The following AKAP19 variants were observed in gnomAD, a reference collection of about 807,000 sequenced individuals.
AKAP19 encodes small A-kinase anchoring protein.
the AKAP19 span, among the ~76,000 whole-genome samples, chr2:190,158,862 T>A: frequency 6.6e-6 from 1 of 152,168 alleles, no homozygotes; most frequent in Non-Finnish European, 1.5e-5. Flanking sequence ...GGCAGGAGAA[T>A]TTCTGTTGCT....
the AKAP19 span, among the ~76,000 whole-genome samples, chr2:190,178,692 A>G: frequency 6.6e-5 from 10 of 152,224 alleles, no homozygotes; most frequent in Non-Finnish European, 1.2e-4. This position sits in a 1 kb window ranked among gnomAD's most constrained non-coding sequence, Gnocchi z 6.3. Context: ...GGCCCGCTTC[A>G]TCTGTAGACC....
the AKAP19 span, among the ~76,000 whole-genome samples, chr2:189,943,902 A>T: frequency 6.6e-6 from 1 of 152,192 alleles, no homozygotes. Context: ...TAGAATGGGA[A>T]TGTTTACTCA....
the AKAP19 span, among the ~76,000 whole-genome samples, chr2:190,134,786 G>A: frequency 6.6e-6 from 1 of 152,030 alleles, no homozygotes; most frequent in African/African-American, 2.4e-5. Context: ...TCCCAAGGGT[G>A]CATCTTACTG....
At chr2:189,998,779 T>C in the AKAP19 span, among the ~76,000 whole-genome samples, 2 of 142,276 alleles carry the variant, frequency 1.4e-5, no homozygotes, top group South Asian at 2.3e-4. Flanking sequence ...TTCTTTTTTT[T>C]TTTTTTTTTT....
At chr2:190,180,525 G>A in the AKAP19 span, 9 of 985,596 alleles carry the variant, frequency 9.1e-6, no homozygotes, top group Non-Finnish European at 1.1e-5. This position sits in a 1 kb window ranked among gnomAD's most constrained non-coding sequence, Gnocchi z 6.8. Context: ...TGCTTTCATT[G>A]ACCTTTGCGG....
chr2:190,107,794 G>T, the AKAP19 span, among the ~76,000 whole-genome samples: 1 of 152,128 alleles, frequency 6.6e-6, no homozygotes, highest in African/African-American at 2.4e-5. Context: ...AGAACAGATC[G>T]AATAATATAA....
At chr2:189,941,759 G>C in the AKAP19 span, among the ~76,000 whole-genome samples, 5 of 152,156 alleles carry the variant, frequency 3.3e-5, no homozygotes, top group African/African-American at 1.2e-4. Context: ...GAAAAGAAGA[G>C]AGGAGTTACA....
the AKAP19 span, among the ~76,000 whole-genome samples, chr2:189,898,565 G>A: frequency 0.02 from 3,084 of 152,056 alleles, 118 homozygotes; most frequent in African/African-American, 0.07. Context: ...GTGTATATAT[G>A]CTTTTAGTTC....
the AKAP19 span, among the ~76,000 whole-genome samples, chr2:189,919,583 T>C: frequency 6.6e-6 from 1 of 152,098 alleles, no homozygotes; most frequent in Non-Finnish European, 1.5e-5. Flanking sequence ...GATGTTCTCC[T>C]TTCTGTGTCC....
At chr2:189,999,583 G>A in the AKAP19 span, among the ~76,000 whole-genome samples, 2 of 152,108 alleles carry the variant, frequency 1.3e-5, no homozygotes, top group Non-Finnish European at 2.9e-5. Flanking sequence ...GCTTTCTTTA[G>A]ACTTTTTTTG....
At chr2:190,003,832 A>G in the AKAP19 span, among the ~76,000 whole-genome samples, 1 of 151,944 alleles carries the variant, frequency 6.6e-6, no homozygotes, top group African/African-American at 2.4e-5. Flanking sequence ...ATGCCACCGC[A>G]CTCCAGCCTG....
At chr2:190,045,376 G>T in the AKAP19 span, among the ~76,000 whole-genome samples, 1 of 152,014 alleles carries the variant, frequency 6.6e-6, no homozygotes, top group Middle Eastern at 3.4e-3. Flanking sequence ...TGGAAGCACC[G>T]TCCCAGGGGG....
chr2:190,033,374 A>T, the AKAP19 span, among the ~76,000 whole-genome samples: 254 of 152,292 alleles, frequency 1.7e-3, no homozygotes, highest in African/African-American at 5.7e-3. Context: ...AAAAAAACAA[A>T]TCTTAAACGT....
chr2:190,188,337 CTG>C, the AKAP19 span, among the ~76,000 whole-genome samples: 10 of 152,268 alleles, frequency 6.6e-5, no homozygotes, highest in Non-Finnish European at 1.5e-4. Context: ...TTTTGAGAAA[CTG>C]TGTTTTTTAA....
the AKAP19 span, among the ~76,000 whole-genome samples, chr2:189,893,899 C>G: frequency 3.3e-5 from 5 of 152,184 alleles, no homozygotes; most frequent in East Asian, 9.7e-4. Flanking sequence ...GTGGATTGGT[C>G]CTGGAACTAA....
the AKAP19 span, among the ~76,000 whole-genome samples, chr2:190,069,329 G>T: frequency 6.6e-6 from 1 of 152,052 alleles, no homozygotes; most frequent in East Asian, 1.9e-4. Context: ...ACAAACACAG[G>T]TTTCCAGAAC....
the AKAP19 span, among the ~76,000 whole-genome samples, chr2:190,034,313 T>A: frequency 6.6e-6 from 1 of 151,888 alleles, no homozygotes; most frequent in South Asian, 2.1e-4. Context: ...TTGCTTCTAA[T>A]GAACGTACTT....
At chr2:189,994,458 G>A in the AKAP19 span, among the ~76,000 whole-genome samples, 141,067 of 152,008 alleles carry the variant, frequency 0.93, 65,503 homozygotes, top group East Asian at 0.96. Context: ...CCCTCTTAGC[G>A]CTGCTTTTGC....
At chr2:190,142,815 G>T in the AKAP19 span, among the ~76,000 whole-genome samples, 1 of 152,136 alleles carries the variant, frequency 6.6e-6, no homozygotes, top group Admixed American at 6.5e-5. Flanking sequence ...AATAGTGAAG[G>T]TTACAGAGAT....
Sources: allele counts gnomAD v4.1 joint callset (sites outside exome capture counted in the v4.1 genomes callset), GRCh38; gene constraint gnomAD v4.1.1; non-coding constraint Gnocchi (gnomAD v3.1); transcripts MANE v1.5; gene names NCBI Gene and HGNC (gene_info 2026-07-23, HGNC 2026-07-21).